DENND1B: variants seen among roughly 807,000 people sequenced by gnomAD.
The protein encoded by DENND1B is DENN domain-containing protein 1B.
In DENND1B, 59 loss-of-function variants were observed where a neutral mutation model predicts 90.1. The ratio of observed to expected loss-of-function variants is 0.65; its 90% CI spans 0.53 to 0.81. The LOEUF is 0.81. Among genes scored for constraint, DENND1B ranks in the 40% least tolerant of loss-of-function variants. The probability of loss-of-function intolerance (pLI) is 0.00; values close to 1 mark genes in which losing one functional copy is unlikely to be tolerated. For missense variants in DENND1B, 862 were observed against 912.6 expected, an observed-to-expected ratio of 0.94 and a Z score of 0.71; for synonymous variants, 337 against 324.6, an observed-to-expected ratio of 1.04 and a Z score of -0.41.
At chr1:197,618,594 C>T (rs1677872801) in intron 10 of DENND1B, among the ~76,000 whole-genome samples, 1 of 151,126 alleles carries the variant, frequency 6.6e-6, no homozygotes, top group Middle Eastern at 3.4e-3. Flanking sequence ...TCTTCTGACC[C>T]TCATCAGAAT....
At chr1:197,518,552 T>C (rs1336946268) in intron 20 of DENND1B, among the ~76,000 whole-genome samples, 1 of 151,842 alleles carries the variant, frequency 6.6e-6, no homozygotes, top group Non-Finnish European at 1.5e-5. Context: ...GTAAACCATA[T>C]GGTGGCAAGT....
At chr1:197,555,010 G>C (rs952181185) in intron 15 of DENND1B, among the ~76,000 whole-genome samples, 1 of 151,792 alleles carries the variant, frequency 6.6e-6, no homozygotes, top group African/African-American at 2.4e-5. Context: ...ACAGAATAGA[G>C]ACACCTGAAA....
chr1:197,568,547 T>A (rs552547206), intron 15 of DENND1B, among the ~76,000 whole-genome samples: 1 of 151,978 alleles, frequency 6.6e-6, no homozygotes, highest in Admixed American at 6.5e-5. Flanking sequence ...GACAAAACAA[T>A]CTTGAATAAA....
intron 10 of DENND1B, among the ~76,000 whole-genome samples, chr1:197,637,783 G>A (rs1449929917): frequency 1.3e-5 from 2 of 152,168 alleles, no homozygotes; most frequent in South Asian, 2.1e-4. Context: ...ATCTTTCCCT[G>A]AGAGATGATA....
At chr1:197,559,358 G>A (rs6691173) in intron 15 of DENND1B, among the ~76,000 whole-genome samples, 120,543 of 151,798 alleles carry the variant, frequency 0.79, 48,004 homozygotes, top group East Asian at 0.87. Flanking sequence ...TCTCTGCCGA[G>A]CTGAGGAAGT....
At chr1:197,620,668 A>T (rs539723572) in intron 10 of DENND1B, among the ~76,000 whole-genome samples, 1 of 151,354 alleles carries the variant, frequency 6.6e-6, no homozygotes, top group Non-Finnish European at 1.5e-5. Context: ...CCATAAGGTA[A>T]TTATGCAACT....
At chr1:197,771,963 A>C (rs1460921796) in intron 2 of DENND1B, among the ~76,000 whole-genome samples, 1 of 152,192 alleles carries the variant, frequency 6.6e-6, no homozygotes, top group African/African-American at 2.4e-5. Context: ...GGAAATGATG[A>C]AAATCATGAC....
intron 3 of DENND1B, among the ~76,000 whole-genome samples, chr1:197,704,991 T>G (rs963891932): frequency 1.3e-5 from 2 of 152,190 alleles, no homozygotes; most frequent in Non-Finnish European, 2.9e-5. Context: ...TACTATCTCC[T>G]ATTAGCCCTG....
At chr1:197,781,821 T>C in the DENND1B span, among the ~76,000 whole-genome samples, 8 of 152,310 alleles carry the variant, frequency 5.3e-5, no homozygotes, top group Non-Finnish European at 7.4e-5. Context: ...TCTGAACATA[T>C]CCAAATATTT....
At chr1:197,675,862 A>T (rs537871767) in intron 3 of DENND1B, among the ~76,000 whole-genome samples, 51 of 152,178 alleles carry the variant, frequency 3.4e-4, no homozygotes, top group African/African-American at 1.2e-3. Context: ...CATCAATTTT[A>T]AGACTCAAGA....
At chr1:197,608,980 T>C (rs900448335) in intron 12 of DENND1B, among the ~76,000 whole-genome samples, 14 of 150,366 alleles carry the variant, frequency 9.3e-5, no homozygotes, top group African/African-American at 3.4e-4. Context: ...TGTAACAAAT[T>C]TTTTTAAATT....
At chr1:197,727,790 A>G (rs1055721649) in intron 2 of DENND1B, among the ~76,000 whole-genome samples, 1 of 152,116 alleles carries the variant, frequency 6.6e-6, no homozygotes, top group African/African-American at 2.4e-5. Context: ...CTCTCCCTAC[A>G]TGGCAGGCTC....
At chr1:197,770,497 G>A (rs1206292084) in intron 2 of DENND1B, among the ~76,000 whole-genome samples, 1 of 151,102 alleles carries the variant, frequency 6.6e-6, no homozygotes, top group Non-Finnish European at 1.5e-5. Context: ...GCATAGATTG[G>A]GTGTTATATA....
chr1:197,577,309 A>C (rs1202010558), intron 15 of DENND1B, among the ~76,000 whole-genome samples: 2 of 152,186 alleles, frequency 1.3e-5, no homozygotes, highest in East Asian at 3.9e-4. Flanking sequence ...TATAGAATAT[A>C]CAATGTATAA....
chr1:197,714,690 T>C (rs1048905735), intron 3 of DENND1B, among the ~76,000 whole-genome samples: 3 of 152,160 alleles, frequency 2.0e-5, no homozygotes, highest in Admixed American at 6.6e-5. Flanking sequence ...TAAGAGTATA[T>C]TTAACAAAGA....
At chr1:197,599,394 A>G (rs1157814323) in intron 13 of DENND1B, among the ~76,000 whole-genome samples, 2 of 151,890 alleles carry the variant, frequency 1.3e-5, no homozygotes, top group Admixed American at 1.3e-4. Flanking sequence ...GCATCAGGGT[A>G]AAGAAGAGAA....
intron 3 of DENND1B, among the ~76,000 whole-genome samples, chr1:197,691,261 A>G (rs1386542977): frequency 3.8e-5 from 5 of 132,144 alleles, no homozygotes; most frequent in African/African-American, 9.3e-5. Flanking sequence ...ACTTAACAGC[A>G]AAAAAAAAAA....
At chr1:197,608,033 A>G (rs1327341651) in intron 12 of DENND1B, among the ~76,000 whole-genome samples, 1 of 150,658 alleles carries the variant, frequency 6.6e-6, no homozygotes, top group Non-Finnish European at 1.5e-5. Flanking sequence ...GAATTTCATA[A>G]TTGTATAAGT....
chr1:197,615,777 G>C (rs1409760154), intron 11 of DENND1B, among the ~76,000 whole-genome samples: 1 of 150,926 alleles, frequency 6.6e-6, no homozygotes, highest in East Asian at 2.0e-4. Flanking sequence ...TTAAGGTTCA[G>C]GAAGTTTCAG....
Sources: gnomAD v4.1 joint callset for allele counts (sites outside exome capture counted in the v4.1 genomes callset) on GRCh38, gnomAD v4.1.1 for gene constraint, MANE v1.5 for transcripts, NCBI Gene and HGNC (gene_info 2026-07-23, HGNC 2026-07-21) for gene names.